VPS13C: variants seen among roughly 807,000 people sequenced by gnomAD.
The protein encoded by VPS13C is vacuolar protein sorting 13 homolog C, also known as intermembrane lipid transfer protein VPS13C.
Under a neutral mutation model 456.8 loss-of-function variants are expected in VPS13C, and 358 were observed. The ratio of observed to expected loss-of-function variants is 0.78; its 90% CI spans 0.72 to 0.86. The LOEUF (loss-of-function observed/expected upper bound fraction) is 0.86, where lower values mean the gene tolerates loss of function less well. Ranked by LOEUF, VPS13C falls within the 40% of genes least tolerant of loss-of-function variation. The pLI is 0.00. For missense variants in VPS13C, 4,818 were observed against 4,385.4 expected, an observed-to-expected ratio of 1.10 and a Z score of -2.79; for synonymous variants, 1,578 against 1,486.7, an observed-to-expected ratio of 1.06 and a Z score of -1.41.
chr15:61,916,422 A>G (rs2043474189), intron 60 of VPS13C, among the ~76,000 whole-genome samples: 1 of 152,230 alleles, frequency 6.6e-6, no homozygotes, highest in Admixed American at 6.5e-5. Context: ...TATGAATGGA[A>G]TAAGAAAATT....
chr15:61,915,785 C>A lies in VPS13C; in HGVS notation c.8293G>T (p.Val2765Leu), dbSNP rs762325052. The A allele has an allele frequency of 1.2e-6, 2 of 1,613,984 alleles. No individual in the cohort carries two copies. Among genetic ancestry groups the A allele is most frequent in the Non-Finnish European group, 1.7e-6 (2 of 1,180,020 alleles). ...CAATAGGGACTAAAGACAGACAGCA[C>A]CATCCGGCTGCCAATTCTCCTGACG... is the stretch of plus-strand genomic sequence containing the variant. ...VHVRRIGSRMVLSVFSPYWLI... is the reference protein window; with the variant it reads ...VHVRRIGSRMLLSVFSPYWLI... Residue 2765 changes from valine to leucine, a missense_variant, in exon 61 of 85, where the codon GTG (valine) becomes TTG (leucine). Around this residue, in one of 3 missense-constraint regions of VPS13C, gnomAD observed 4,552 missense variants for 4,130.6 expected, o/e 1.10. Transcript: ENST00000644861.
chr15:61,896,878 G>C (rs2042837632), intron 66 of VPS13C, among the ~76,000 whole-genome samples: 1 of 152,188 alleles, frequency 6.6e-6, no homozygotes, highest in Non-Finnish European at 1.5e-5. Flanking sequence ...GAGAGCAGTG[G>C]TTCTCCCAGT....
intron 9 of VPS13C, among the ~76,000 whole-genome samples, chr15:62,016,565 T>C (rs907256388): frequency 1.3e-5 from 2 of 151,844 alleles, no homozygotes; most frequent in Non-Finnish European, 2.9e-5. Context: ...AATGATGGTT[T>C]CCAGCTTCAT....
At position 61,907,339 on chromosome 15, in the gene VPS13C, G is replaced by A; in HGVS notation, c.9030C>T (p.Ala3010=). ...TTCTGGTACCAGTAGGATCTGCCCA[G>A]GCAAAAAGTCGAGCCTGTCTTGGCA... ...VLLPRQARLF[A]WADPTGTRKL... Residue 3010 remains alanine, a synonymous_variant, in exon 66 of 85, where the codon GCC becomes GCT. Coordinates refer to ENST00000644861, the MANE Select transcript of VPS13C (RefSeq NM_020821.3). 2.5e-6 allele frequency: 4 copies of A among 1,613,986 alleles called. No homozygotes were observed. Among genetic ancestry groups the A allele is most frequent in the Non-Finnish European group, 3.4e-6 (4 of 1,179,896 alleles).
At chr15:62,036,009 C>T (rs759944108) in intron 3 of VPS13C, among the ~76,000 whole-genome samples, 1 of 152,028 alleles carries the variant, frequency 6.6e-6, no homozygotes. Context: ...TCTCTAGTAT[C>T]CCCTCGTTCC....
At chr15:62,035,232 T>C (rs909683928) in intron 3 of VPS13C, among the ~76,000 whole-genome samples, 180 bp from the exon 4 acceptor site, 22 of 152,002 alleles carry the variant, frequency 1.4e-4, no homozygotes, top group Admixed American at 8.5e-4. Flanking sequence ...AAAATTACTA[T>C]TAAGTGAATA....
intron 11 of VPS13C, 84 bp downstream of exon 11, chr15:62,012,955 C>T (rs2140516872): frequency 1.2e-6 from 1 of 847,572 alleles, no homozygotes; most frequent in Non-Finnish European, 1.8e-6. Context: ...TGGCTGATAT[C>T]CTGTCCTCAT....
chr15:61,881,517 T>G, intron 71 of VPS13C, 46 bp downstream of exon 71: 1 of 1,516,400 alleles, frequency 6.6e-7, no homozygotes, highest in Non-Finnish European at 8.9e-7. Context: ...CAAAGTAGAT[T>G]CTCATTTTAA....
intron 59 of VPS13C, 28 bp from the exon 60 acceptor site, chr15:61,917,663 A>C: frequency 6.3e-7 from 1 of 1,595,990 alleles, no homozygotes; most frequent in Admixed American, 1.7e-5. Flanking sequence ...AGTGACAATA[A>C]AGTTTTGATC....
chr15:62,017,090 T>C (rs966791606), intron 9 of VPS13C, among the ~76,000 whole-genome samples: 14 of 152,220 alleles, frequency 9.2e-5, no homozygotes, highest in Non-Finnish European at 1.6e-4. Flanking sequence ...GCGTCTTCTT[T>C]TGAGAAGTGT....
At chr15:61,952,285 C>T (rs1379243946) in intron 38 of VPS13C, among the ~76,000 whole-genome samples, 3 of 152,148 alleles carry the variant, frequency 2.0e-5, no homozygotes, top group African/African-American at 7.2e-5. Flanking sequence ...ATGTCTTATG[C>T]ACTGTAGGAT....
In VPS13C at chr15:61,917,742, G is replaced by A. The variant is rs1394631724; in HGVS notation, c.7761-107C>T. 4.2e-6 allele frequency: 5 copies of A among 1,189,880 alleles called. No homozygotes were observed. In the African/African-American group the frequency reaches 4.7e-5, roughly 11 times the overall value. The allele number at this position is 1,189,880 out of a possible 1,614,324, so 73.7% of individuals were successfully genotyped here. On this transcript the variant is annotated intron_variant, in intron 59 of 84. Coordinates refer to ENST00000644861, the MANE Select transcript of VPS13C (RefSeq NM_020821.3). ...CTACAAGATAGGTGCTATTATTCCT[G>A]TTTTTACAGATATACAGATGAGGAA...
At position 61,925,848 on chromosome 15, in the gene VPS13C, T is replaced by C. The variant is rs368871811; in HGVS notation, c.6517-300A>G. Among the ~76,000 whole-genome samples, 22 of 152,336 alleles carry C rather than the reference T, an allele frequency of 1.4e-4. No individual in the cohort carries two copies. In the East Asian group the frequency reaches 4.0e-3, roughly 28 times the overall value. On this transcript the variant is annotated intron_variant, in intron 52 of 84. Transcript: ENST00000644861. ...TGTTTCTTTCTGCTAAAATAGTTTT[T>C]AAATGATGGCCTCTATAAAATATAC... is the stretch of plus-strand genomic sequence containing the variant.
rs768315756 is a variant in VPS13C at position 61,949,618 on chromosome 15, AC to A, written c.4597-14del. On this transcript the variant is annotated splice_polypyrimidine_tract_variant and intron_variant, in intron 41 of 84. Transcript: ENST00000644861. ...ATGCAAATGAAACCTAAGATAATGA[AC>A]AATTAAAGAGGCAGATTTCAGATGC... The A allele has an allele frequency of 6.3e-7, 1 of 1,585,766 alleles. No individual in the cohort carries two copies. Among genetic ancestry groups the A allele is most frequent in the South Asian group, 1.2e-5 (1 of 85,320 alleles).
chr15:61,907,155 C>T (rs769813653), intron 66 of VPS13C, 109 bp downstream of exon 66: 23 of 1,538,834 alleles, frequency 1.5e-5, no homozygotes, highest in South Asian at 2.3e-5. Context: ...TCTGGAAATA[C>T]TTCCAATTCA....
At chr15:61,950,457 C>T (rs1273887225) in intron 40 of VPS13C, 40 bp from the exon 41 acceptor site, 1 of 1,466,066 alleles carries the variant, frequency 6.8e-7, no homozygotes, top group East Asian at 2.3e-5. Context: ...GTTTCAAACA[C>T]TAAAAATTCA....
intron 1 of VPS13C, among the ~76,000 whole-genome samples, chr15:62,052,355 A>G (rs945316996): frequency 1.3e-5 from 2 of 152,160 alleles, no homozygotes; most frequent in South Asian, 4.1e-4. Flanking sequence ...AGCATGAATC[A>G]AATTATTTTA....
chr15:61,954,407 T>A lies in VPS13C; in HGVS notation c.4299+14A>T, dbSNP rs752621047. Reference sequence around the variant, plus strand: ...ATTCACCTCACTTTACAAAAACAGATGAAAATTACACACCTCTTTAATTTC... The same window carrying A: ...ATTCACCTCACTTTACAAAAACAGAAGAAAATTACACACCTCTTTAATTTC... On this transcript the variant is annotated intron_variant, in intron 38 of 84. Transcript: ENST00000644861. 1 of 1,600,680 alleles carries A rather than the reference T, an allele frequency of 6.2e-7. No homozygotes were observed. Among genetic ancestry groups the A allele is most frequent in the African/African-American group, 1.3e-5 (1 of 74,194 alleles).
intron 81 of VPS13C, chr15:61,864,320 AAC>A: frequency 1.1e-6 from 1 of 873,070 alleles, no homozygotes; most frequent in East Asian, 1.2e-4. Context: ...AGCACATTAA[AAC>A]ACATTTATTT....
Sources: gnomAD v4.1 joint callset for allele counts (sites outside exome capture counted in the v4.1 genomes callset) on GRCh38, gnomAD v4.1.1 for gene constraint, gnomAD v4.1.1 regional missense constraint, MANE v1.5 for transcripts, NCBI Gene and HGNC (gene_info 2026-07-23, HGNC 2026-07-21) for gene names.